Variants in PPP1R7 observed in about 807,000 individuals in gnomAD.
The protein encoded by PPP1R7 is protein phosphatase 1 regulatory subunit 7, also known as protein phosphatase 1 regulatory subunit 22.
In PPP1R7, 18 loss-of-function variants were observed where a neutral mutation model predicts 45.2. The ratio of observed to expected loss-of-function variants is 0.40; its 90% CI spans 0.28 to 0.59. The LOEUF (loss-of-function observed/expected upper bound fraction) is 0.59, where lower values mean the gene tolerates loss of function less well. Ranked by LOEUF, PPP1R7 falls within the 20% of genes least tolerant of loss-of-function variation. The pLI is 0.46. For synonymous variants in PPP1R7, 181 were observed against 183.4 expected (o/e 0.99, Z 0.11); for missense variants, 314 against 455.8 (o/e 0.69, Z 2.83).
chr2:241,168,434 G>A (rs374638063), intron 8 of PPP1R7, among the ~76,000 whole-genome samples: 57 of 152,278 alleles, frequency 3.7e-4, no homozygotes, highest in African/African-American at 1.3e-3. Context: ...TGCAGAGTGC[G>A]GGGGAGAGCT....
intron 2 of PPP1R7, 131 bp downstream of exon 2, chr2:241,153,735 G>A (rs2067376523): frequency 8.7e-7 from 1 of 1,149,332 alleles, no homozygotes. Flanking sequence ...GGGGTCCTCA[G>A]TGGCCCAGGG....
At chr2:241,170,198 T>C (rs1326168706) in intron 9 of PPP1R7, among the ~76,000 whole-genome samples, 1 of 152,226 alleles carries the variant, frequency 6.6e-6, no homozygotes, top group Non-Finnish European at 1.5e-5. Context: ...GAAGCCCTGA[T>C]CTAGGTATGG....
intron 7 of PPP1R7, among the ~76,000 whole-genome samples, chr2:241,164,100 A>G (rs577146092): frequency 1.9e-4 from 29 of 152,026 alleles, no homozygotes; most frequent in Admixed American, 1.1e-3. Context: ...TATTTTATGT[A>G]GAGAAGGGGT....
intron 6 of PPP1R7, among the ~76,000 whole-genome samples, chr2:241,161,797 G>A (rs538550723): frequency 3.9e-5 from 6 of 152,336 alleles, no homozygotes; most frequent in African/African-American, 4.8e-5. Flanking sequence ...GAGGGTTCCC[G>A]TGGGCAGGAA....
Position 241,163,410 on chromosome 2 carries a change from C to T in PPP1R7, c.714+9C>T. The T allele has an allele frequency of 1.3e-6, 2 of 1,583,648 alleles. No homozygotes were observed. The highest frequency in any genetic ancestry group is 2.7e-5 in the African/African-American group (2 of 74,312). On this transcript the variant is annotated intron_variant, in intron 7 of 9. Transcript: ENST00000234038. ...CAGTCCTCAGTATGCAGGTACGGAG[C>T]TTCCTGAGCCGCCCTTCCCTGCGAG...
At chr2:241,155,836 C>T (rs964238395) in intron 2 of PPP1R7, among the ~76,000 whole-genome samples, 1 of 152,182 alleles carries the variant, frequency 6.6e-6, no homozygotes, top group Non-Finnish European at 1.5e-5. Flanking sequence ...AGTGCAACTT[C>T]CTGAGTTTAT....
intron 9 of PPP1R7, among the ~76,000 whole-genome samples, chr2:241,172,955 C>T (rs1038856371): frequency 6.6e-6 from 1 of 151,186 alleles, no homozygotes; most frequent in Non-Finnish European, 1.5e-5. Context: ...CATTATTTCT[C>T]CTTTATAAAA....
In PPP1R7 at chr2:241,150,617, C is replaced by G. The variant is rs1314183820; in HGVS notation, c.52+70C>G. On this transcript the variant is annotated intron_variant, in intron 1 of 9. Coordinates refer to ENST00000234038, the MANE Select transcript of PPP1R7 (RefSeq NM_002712.3). ...GGGGAGCTGCGGGCTGGAACTGCTCCGTGCCTGAGAGAAACTCCACGTCCT... is the reference window on the plus strand; with the variant it reads ...GGGGAGCTGCGGGCTGGAACTGCTCGGTGCCTGAGAGAAACTCCACGTCCT... 5 of 1,459,084 alleles carry G rather than the reference C, an allele frequency of 3.4e-6. No homozygotes were observed. In the South Asian group the frequency reaches 6.8e-5, roughly 20 times the overall value. The allele number at this position is 1,459,084 out of a possible 1,614,324, so 90.4% of individuals were successfully genotyped here. A position where few individuals can be genotyped will look rare whatever the true frequency, so the allele number is the denominator to read the frequency against.
At chr2:241,152,549 T>C (rs2067348545) in intron 1 of PPP1R7, among the ~76,000 whole-genome samples, 1 of 152,226 alleles carries the variant, frequency 6.6e-6, no homozygotes, top group Non-Finnish European at 1.5e-5. Context: ...AAGGACTTGT[T>C]TTCTACAGCA....
At chr2:241,149,668 C>A, upstream of PPP1R7, 1 of 1,545,846 alleles carries the variant, frequency 6.5e-7, no homozygotes. Context: ...CGCCCCCGGG[C>A]CGGGCAGATG....
rs372381778 is a variant in PPP1R7, at chr2:241,157,920, A to G, written c.237+58A>G. 677 of 1,533,342 alleles carry G rather than the reference A, an allele frequency of 4.4e-4. 2 individuals are homozygous for G. Among genetic ancestry groups the G allele is most frequent in the Middle Eastern group, 1.0e-3 (6 of 5,726 alleles). 95.0% of individuals were successfully genotyped at this position (1,533,342 alleles called of 1,614,324 possible). Reference sequence around the variant, plus strand: ...TGGTGATGGACCACCCTGTCAGGTTATCTTGTATGAGATTAGTAAGTTATT... The same window carrying G: ...TGGTGATGGACCACCCTGTCAGGTTGTCTTGTATGAGATTAGTAAGTTATT... On this transcript the variant is annotated intron_variant, in intron 3 of 9. Transcript: ENST00000234038.
chr2:241,173,916 A>AT (rs10688614), intron 9 of PPP1R7, among the ~76,000 whole-genome samples: 91,251 of 145,260 alleles, frequency 0.63, 28,781 homozygotes, highest in Middle Eastern at 0.76. Context: ...ATTTGGCTTT[A>AT]TTTTTTTTTT....
At chr2:241,169,344 G>A (rs1472532943) in intron 8 of PPP1R7, among the ~76,000 whole-genome samples, 1 of 152,242 alleles carries the variant, frequency 6.6e-6, no homozygotes, top group Non-Finnish European at 1.5e-5. Context: ...AATGAAGAGA[G>A]GAACTTTGTT....
intron 1 of PPP1R7, 40 bp downstream of exon 1, chr2:241,150,587 G>A (rs962995501): frequency 2.6e-6 from 4 of 1,567,240 alleles, no homozygotes; most frequent in African/African-American, 1.4e-5. Context: ...GGGCCCAGCG[G>A]GCGGGGGGAG....
At chr2:241,182,625 T>C in intron 9 of PPP1R7, 22 bp from the exon 10 acceptor site, 1 of 1,613,032 alleles carries the variant, frequency 6.2e-7, no homozygotes, top group South Asian at 1.1e-5. Context: ...TCTAAAGGCT[T>C]TTCTGCTGTG....
chr2:241,158,320 C>T, intron 3 of PPP1R7, 164 bp from the exon 4 acceptor site: 1 of 644,286 alleles, frequency 1.6e-6, no homozygotes, highest in Non-Finnish European at 2.8e-6. Flanking sequence ...CATCACTAAG[C>T]CAAAGAGCCC....
At position 241,157,857 on chromosome 2, in the gene PPP1R7, G is replaced by T. The variant is rs777526372; in HGVS notation, c.232G>T (p.Ala78Ser). The T allele has an allele frequency of 3.8e-5, 62 of 1,613,904 alleles. 1 individual carries two copies. In the Middle Eastern group the frequency reaches 9.9e-4, roughly 26 times the overall value. The change falls in exon 3 of 10, where the codon GCA (alanine) becomes TCA (serine). Residue 78 changes from alanine (A) to serine (S), a missense_variant. Around this residue, in one of 3 missense-constraint regions of PPP1R7, gnomAD observed 112 missense variants for 144.5 expected, o/e 0.78. Transcript: ENST00000234038. ...DMETINLDRDAEDVDLNHYRI... is the reference protein window; with the variant it reads ...DMETINLDRDSEDVDLNHYRI... Reference sequence around the variant, plus strand: ...GGAAACCATCAACCTGGACAGAGATGCAGAGGTAATGCCGCCTGCTCAGCC... The same window carrying T: ...GGAAACCATCAACCTGGACAGAGATTCAGAGGTAATGCCGCCTGCTCAGCC...
intron 9 of PPP1R7, among the ~76,000 whole-genome samples, chr2:241,181,660 A>G (rs1211791185): frequency 6.6e-6 from 1 of 152,140 alleles, no homozygotes; most frequent in Non-Finnish European, 1.5e-5. Context: ...GCCCCAGAGT[A>G]GAACGCCCCT....
At chr2:241,166,129 C>T (rs913470116) in intron 7 of PPP1R7, among the ~76,000 whole-genome samples, 3 of 148,658 alleles carry the variant, frequency 2.0e-5, no homozygotes, top group African/African-American at 7.3e-5. Flanking sequence ...GTCTCGATCT[C>T]CTGACCTCGT....
Sources: allele counts gnomAD v4.1 joint callset (sites outside exome capture counted in the v4.1 genomes callset), GRCh38; gene constraint gnomAD v4.1.1; regional missense constraint gnomAD v4.1.1; transcripts MANE v1.5; gene names NCBI Gene and HGNC (gene_info 2026-07-23, HGNC 2026-07-21).